The following PHF14 variants were observed in gnomAD, a reference collection of about 807,000 sequenced individuals.
PHF14 encodes PHD finger protein 14.
PHF14 carries 55 observed loss-of-function variants against 117.9 expected under a neutral mutation model. The ratio of observed to expected loss-of-function variants is 0.47; its 90% CI spans 0.38 to 0.58. PHF14 has a LOEUF of 0.58. Among genes scored for constraint, PHF14 ranks in the 20% least tolerant of loss-of-function variants. PHF14 has a pLI of 0.00. For missense variants in PHF14, 978 were observed against 1,122.2 expected (o/e 0.87, Z 1.84); for synonymous variants, 409 against 368.6 (o/e 1.11, Z -1.26).
At chr7:11,076,625 T>A (rs1252122527) in intron 16 of PHF14, among the ~76,000 whole-genome samples, 2 of 148,384 alleles carry the variant, frequency 1.3e-5, no homozygotes, top group East Asian at 4.0e-4. Context: ...TGGAGTGCAG[T>A]GGCGTGATCT....
At chr7:11,144,345 C>T (rs1788484776) in intron 17 of PHF14, among the ~76,000 whole-genome samples, 1 of 151,770 alleles carries the variant, frequency 6.6e-6, no homozygotes, top group Non-Finnish European at 1.5e-5. Flanking sequence ...AACTTATAAC[C>T]CAGCAATCAC....
intron 3 of PHF14, among the ~76,000 whole-genome samples, chr7:10,983,492 G>A (rs1782114884): frequency 2.6e-5 from 4 of 152,030 alleles, no homozygotes; most frequent in Admixed American, 2.6e-4. Flanking sequence ...CTGCTGAATG[G>A]TGCTGAGTGC....
At chr7:11,077,979 C>G (rs1436445026) in intron 16 of PHF14, among the ~76,000 whole-genome samples, 3 of 152,200 alleles carry the variant, frequency 2.0e-5, no homozygotes, top group Non-Finnish European at 4.4e-5. Flanking sequence ...GATATAACCT[C>G]AGAATTACAT....
chr7:10,992,634 G>T (rs1159652580), intron 4 of PHF14, among the ~76,000 whole-genome samples: 1 of 152,032 alleles, frequency 6.6e-6, no homozygotes, highest in East Asian at 2.0e-4. Context: ...CTGTACTCCA[G>T]CCTGGGCGAC....
chr7:10,987,000 C>T (rs1782247022), intron 3 of PHF14, among the ~76,000 whole-genome samples: 1 of 152,048 alleles, frequency 6.6e-6, no homozygotes, highest in Admixed American at 6.5e-5. Flanking sequence ...CCATAAAAGT[C>T]TCCGTTAAGT....
rs111988747 is a variant in PHF14 at position 11,145,891 on chromosome 7, C to A, written c.2773-23525C>A. 6.3e-3 allele frequency among the ~76,000 whole-genome samples: 962 copies of A among 152,102 alleles called. 10 individuals are homozygous for A. Among genetic ancestry groups the A allele is most frequent in the African/African-American group, 0.022 (922 of 41,520 alleles). On this transcript the variant is annotated intron_variant, in intron 17 of 17. Coordinates refer to ENST00000634607, the MANE Select transcript of PHF14 (RefSeq NM_001007157.2). ...GTTATACTTGTTGGATTAGCATCAGCAAGTAAACTGAGGAAAATGTAAAAG... is the reference window on the plus strand; with the variant it reads ...GTTATACTTGTTGGATTAGCATCAGAAAGTAAACTGAGGAAAATGTAAAAG...
At chr7:10,987,677 G>T (rs17163880) in intron 3 of PHF14, among the ~76,000 whole-genome samples, 2,176 of 151,896 alleles carry the variant, frequency 0.014, 52 homozygotes, top group East Asian at 0.11. Flanking sequence ...TTTTCCTGAT[G>T]TCTATTTTTA....
At chr7:11,035,904 G>A (rs1703391592) in intron 8 of PHF14, 118 bp downstream of exon 8, 3 of 756,296 alleles carry the variant, frequency 4.0e-6, no homozygotes, top group East Asian at 2.5e-5. Flanking sequence ...TAGTTACCTA[G>A]GAAATGGATT....
rs530883766 is a variant in PHF14, at chr7:11,029,833, T to G, written c.1455+1015T>G. Among the ~76,000 whole-genome samples, 46 of 152,236 alleles carry G rather than the reference T, an allele frequency of 3.0e-4. No homozygotes were observed. The South Asian group carries it at 9.3e-3, about 31-fold the overall frequency. On this transcript the variant is annotated intron_variant, in intron 7 of 17. Transcript: ENST00000634607. ...CACATTCATGATGGCTTTATGGTAA[T>G]AGTCTAAGCCTCTCCTTGTTATGTT... is the stretch of plus-strand genomic sequence containing the variant.
chr7:11,069,250 G>C (rs542927125), intron 16 of PHF14, among the ~76,000 whole-genome samples: 1 of 152,176 alleles, frequency 6.6e-6, no homozygotes, highest in African/African-American at 2.4e-5. Context: ...CTTGTACTTA[G>C]AGGAGAAATT....
At chr7:11,138,041 C>CT (rs34783802) in intron 17 of PHF14, among the ~76,000 whole-genome samples, 69,005 of 145,460 alleles carry the variant, frequency 0.47, 16,686 homozygotes, top group East Asian at 0.84. Flanking sequence ...AAAAATACTT[C>CT]TTTTTTTTTT....
At chr7:11,114,276 T>C (rs758866555) in intron 17 of PHF14, among the ~76,000 whole-genome samples, 1 of 152,078 alleles carries the variant, frequency 6.6e-6, no homozygotes, top group Non-Finnish European at 1.5e-5. Context: ...GAAAAATGAA[T>C]TGCACTTTAA....
intron 16 of PHF14, 127 bp downstream of exon 16, chr7:11,062,212 TA>T: frequency 1.4e-6 from 1 of 690,646 alleles, no homozygotes; most frequent in Non-Finnish European, 2.3e-6. Context: ...GTGGAAACAG[TA>T]CTTTAGAAAC....
chr7:10,983,208 C>T, intron 3 of PHF14, 49 bp downstream of exon 3: 2 of 1,538,388 alleles, frequency 1.3e-6, no homozygotes, highest in Non-Finnish European at 1.7e-6. Flanking sequence ...AAAGGGAATT[C>T]TTCTCTAAAT....
intron 16 of PHF14, chr7:11,062,963 T>G: frequency 1.1e-6 from 1 of 931,188 alleles, no homozygotes; most frequent in Non-Finnish European, 1.3e-6. Context: ...ACACAGAAAT[T>G]AAACATTTCA....
intron 17 of PHF14, among the ~76,000 whole-genome samples, chr7:11,129,476 A>G (rs1788026994): frequency 6.6e-6 from 1 of 151,960 alleles, no homozygotes; most frequent in Non-Finnish European, 1.5e-5. Context: ...CTCCTTCAGA[A>G]TAAAGAACAC....
chr7:11,074,952 T>C (rs1415144338), intron 16 of PHF14, among the ~76,000 whole-genome samples: 1 of 151,652 alleles, frequency 6.6e-6, no homozygotes, highest in East Asian at 1.9e-4. Flanking sequence ...TTTTTTTTTT[T>C]TTTTAGATGG....
intron 4 of PHF14, among the ~76,000 whole-genome samples, chr7:11,011,401 A>G (rs1188817019): frequency 6.6e-6 from 1 of 152,210 alleles, no homozygotes; most frequent in Non-Finnish European, 1.5e-5. Flanking sequence ...TTGGATATAT[A>G]TAAACTTACC....
chr7:11,072,426 A>C (rs978224968), intron 16 of PHF14, among the ~76,000 whole-genome samples: 2 of 152,202 alleles, frequency 1.3e-5, no homozygotes, highest in African/African-American at 4.8e-5. Context: ...TGAGTGGGAC[A>C]CGTATCCAAA....
Sources: allele counts gnomAD v4.1 joint callset (sites outside exome capture counted in the v4.1 genomes callset), GRCh38; gene constraint gnomAD v4.1.1; transcripts MANE v1.5; gene names NCBI Gene and HGNC (gene_info 2026-07-23, HGNC 2026-07-21).